GRM8: variants seen among roughly 807,000 people sequenced by gnomAD.
GRM8 encodes glutamate metabotropic receptor 8.
A neutral mutation model predicts 87.2 loss-of-function variants in GRM8; 47 were observed. The ratio of observed to expected loss-of-function variants is 0.54; its 90% CI spans 0.43 to 0.69. The LOEUF is 0.69. GRM8 is among the 30% of genes least tolerant of loss of function. GRM8 has a pLI of 0.00. For missense variants in GRM8, 1,019 were observed against 1,139.2 expected, an observed-to-expected ratio of 0.89 and a Z score of 1.52; for synonymous variants, 396 against 404.5, an observed-to-expected ratio of 0.98 and a Z score of 0.25.
rs763724001 is a variant in GRM8 at position 126,899,618 on chromosome 7, CCTT to C, written c.1156+2921_1156+2923del. Among the ~76,000 whole-genome samples the C allele has an allele frequency of 2.6e-5, 4 of 152,178 alleles. No individual in the cohort carries two copies. In the East Asian group the frequency reaches 7.7e-4, roughly 29 times the overall value. ...CTGATTACGTATATGTTTGTGTGTA[CCTT>C]CTTTTCCCCCAACCAAATCACATGA... On this transcript the variant is annotated intron_variant, in intron 6 of 10. Transcript: ENST00000339582.
chr7:127,242,934 C>G lies in GRM8; in HGVS notation c.271G>C (p.Asp91His). 1 of 1,614,184 alleles carries G rather than the reference C, an allele frequency of 6.2e-7. No individual in the cohort carries two copies. The highest frequency in any genetic ancestry group is 8.5e-7 in the Non-Finnish European group (1 of 1,180,028). Residue 91 changes from aspartate to histidine, a missense_variant, in exon 2 of 11, where the codon GAT (aspartate) becomes CAT (histidine). Transcript: ENST00000339582. ...YAIDQINKDP[D>H]LLSNITLGVR... is the part of the protein sequence containing the mutation. ...CCCAGAGTGATGTTGGAAAGGAGAT[C>G]AGGGTCCTTGTTAATCTGGTCAATT...
intron 3 of GRM8, among the ~76,000 whole-genome samples, chr7:127,072,767 A>G (rs1821845052): frequency 2.0e-5 from 3 of 152,088 alleles, no homozygotes; most frequent in Non-Finnish European, 2.9e-5. Flanking sequence ...AAGGATGTTC[A>G]ATTTGGGGAG....
intron 7 of GRM8, among the ~76,000 whole-genome samples, chr7:126,709,441 G>A (rs927724538): frequency 3.3e-5 from 5 of 150,186 alleles, no homozygotes; most frequent in Admixed American, 1.3e-4. Context: ...AGGAGGAGGA[G>A]GAAGAAGAGG....
chr7:126,923,078 A>G (rs1237101330), intron 3 of GRM8, among the ~76,000 whole-genome samples: 3 of 152,238 alleles, frequency 2.0e-5, no homozygotes, highest in African/African-American at 7.2e-5. Context: ...GTTTAAAGAT[A>G]GCAAGATAAT....
intron 7 of GRM8, among the ~76,000 whole-genome samples, chr7:126,653,253 G>A (rs759634118): frequency 4.2e-5 from 6 of 141,218 alleles, no homozygotes; most frequent in Non-Finnish European, 7.6e-5. Flanking sequence ...AGTGAGCTAC[G>A]ATTGCCACTG....
intron 3 of GRM8, among the ~76,000 whole-genome samples, chr7:126,909,353 G>T (rs547735079): frequency 3.9e-5 from 6 of 152,222 alleles, no homozygotes; most frequent in African/African-American, 1.4e-4. Flanking sequence ...TCCATTGCTT[G>T]ACTTTTTAAA....
chr7:127,038,030 G>A (rs28951982), intron 3 of GRM8, among the ~76,000 whole-genome samples: 21 of 152,160 alleles, frequency 1.4e-4, no homozygotes, highest in Middle Eastern at 3.4e-3. Context: ...CTATTAATTC[G>A]TATGGCAGTA....
At chr7:126,785,910 T>C (rs1427636339) in intron 6 of GRM8, among the ~76,000 whole-genome samples, 2 of 152,122 alleles carry the variant, frequency 1.3e-5, no homozygotes, top group Non-Finnish European at 1.5e-5. Flanking sequence ...CTGGACACAA[T>C]CTTATATGAT....
chr7:127,218,206 T>C (rs1386461495), intron 2 of GRM8, among the ~76,000 whole-genome samples: 1 of 152,214 alleles, frequency 6.6e-6, no homozygotes, highest in Non-Finnish European at 1.5e-5. Flanking sequence ...ATTGAGTGCT[T>C]CTTATGTGTC....
intron 9 of GRM8, among the ~76,000 whole-genome samples, chr7:126,526,085 A>C (rs1813781211): frequency 6.6e-6 from 1 of 152,302 alleles, no homozygotes; most frequent in South Asian, 2.1e-4. Context: ...GGTTACAGCC[A>C]AAAGGAACTG....
chr7:126,568,960 A>C (rs1320956709), intron 8 of GRM8, among the ~76,000 whole-genome samples: 2 of 152,170 alleles, frequency 1.3e-5, no homozygotes, highest in Non-Finnish European at 2.9e-5. Flanking sequence ...AAGAAAAAAC[A>C]ATCAGGATAC....
At chr7:126,627,028 A>C (rs999166493) in intron 7 of GRM8, among the ~76,000 whole-genome samples, 2 of 152,192 alleles carry the variant, frequency 1.3e-5, no homozygotes, top group East Asian at 3.8e-4. Flanking sequence ...ACCTTCTCTT[A>C]TAAGTCTTAA....
rs756188611 is a variant in GRM8 at position 126,770,021 on chromosome 7, T to C, written c.1201A>G (p.Lys401Glu). 8.7e-6 allele frequency: 14 copies of C among 1,612,738 alleles called. No individual in the cohort carries two copies. The Admixed American group carries it at 2.3e-4, about 27-fold the overall frequency. The change falls in exon 7 of 11, where the codon AAG becomes GAG. Residue 401 changes from lysine to glutamate, a missense_variant. Coordinates refer to ENST00000339582, the MANE Select transcript of GRM8 (RefSeq NM_000845.3). ...ARDSSYEQEGKVQFVIDAVYS... is the reference protein window; with the variant it reads ...ARDSSYEQEGEVQFVIDAVYS... ...ACAGCATCAATTACAAATTGGACCT[T>C]TCCTTCCTGTTCATAAGATGAATCC...
chr7:127,148,863 G>T (rs924347813), intron 2 of GRM8, among the ~76,000 whole-genome samples: 1 of 152,022 alleles, frequency 6.6e-6, no homozygotes, highest in Admixed American at 6.6e-5. Flanking sequence ...AACAAATGGT[G>T]CAGGGAAAAC....
intron 6 of GRM8, among the ~76,000 whole-genome samples, chr7:126,815,310 C>A (rs1793682617): frequency 6.6e-6 from 1 of 152,086 alleles, no homozygotes; most frequent in African/African-American, 2.4e-5. Context: ...CAAAATGAGG[C>A]CACCTTTGAA....
intron 1 of GRM8, among the ~76,000 whole-genome samples, chr7:127,247,134 G>A (rs1798620747): frequency 6.6e-6 from 1 of 152,222 alleles, no homozygotes; most frequent in Non-Finnish European, 1.5e-5. Context: ...CAATCTGGGG[G>A]CATTTCCAGG....
At chr7:127,108,927 G>A (rs1033953750) in intron 2 of GRM8, among the ~76,000 whole-genome samples, 1 of 152,112 alleles carries the variant, frequency 6.6e-6, no homozygotes, top group Non-Finnish European at 1.5e-5. Context: ...ACACATCAGG[G>A]TATATGAATA....
intron 3 of GRM8, among the ~76,000 whole-genome samples, chr7:127,019,463 T>G (rs1398581589): frequency 6.6e-6 from 1 of 152,124 alleles, no homozygotes; most frequent in Non-Finnish European, 1.5e-5. Context: ...TCTTACAGTC[T>G]GATTCCAAAA....
intron 3 of GRM8, among the ~76,000 whole-genome samples, chr7:126,922,655 T>C (rs560018461): frequency 3.9e-4 from 59 of 152,216 alleles, no homozygotes; most frequent in African/African-American, 1.3e-3. Flanking sequence ...GGGGATGATA[T>C]GGTTTGGATG....
Sources: allele counts gnomAD v4.1 joint callset (sites outside exome capture counted in the v4.1 genomes callset), GRCh38; gene constraint gnomAD v4.1.1; transcripts MANE v1.5; gene names NCBI Gene and HGNC (gene_info 2026-07-23, HGNC 2026-07-21).